The following GLRA2 variants were observed in gnomAD, a reference collection of about 807,000 sequenced individuals.
GLRA2 encodes the protein glycine receptor alpha 2.
Under a neutral mutation model 31.6 loss-of-function variants are expected in GLRA2, and 11 were observed. That is an observed-to-expected ratio of 0.35 (90% confidence interval 0.22 to 0.58). The LOEUF (loss-of-function observed/expected upper bound fraction) is 0.58. Among genes scored for constraint, GLRA2 ranks in the 20% least tolerant of loss-of-function variants. GLRA2 has a pLI of 0.84. For missense variants in GLRA2, 212 were observed against 351.8 expected, an observed-to-expected ratio of 0.60 and a Z score of 3.18; for synonymous variants, 132 against 134.0, an observed-to-expected ratio of 0.99 and a Z score of 0.10.
At chrX:14,636,049 ATAAG>A (rs1343583439) in intron 7 of GLRA2, among the ~76,000 whole-genome samples, 4 of 112,068 alleles carry the variant, frequency 3.6e-5, no homozygotes, top group Non-Finnish European at 7.5e-5. Context: ...AAGCAACAAA[ATAAG>A]TAAAGTAGTA....
At chrX:14,657,567 TGA>T (rs2090952721) in intron 7 of GLRA2, among the ~76,000 whole-genome samples, 1 of 112,473 alleles carries the variant, frequency 8.9e-6, no homozygotes, top group Non-Finnish European at 1.9e-5. Context: ...CCAAACTGTT[TGA>T]GTCTCTGGTT....
intron 8 of GLRA2, among the ~76,000 whole-genome samples, chrX:14,729,668 G>GTA (rs1465223803): frequency 6.3e-5 from 7 of 111,175 alleles, no homozygotes; most frequent in Non-Finnish European, 7.5e-5. Flanking sequence ...GGGGGAACAG[G>GTA]TATATATATA....
intron 4 of GLRA2, among the ~76,000 whole-genome samples, chrX:14,601,176 C>T (rs1200594070): frequency 9.0e-6 from 1 of 111,241 alleles, no homozygotes; most frequent in Non-Finnish European, 1.9e-5. Context: ...AAATGAACTC[C>T]ATAATTGACA....
At chrX:14,547,201 T>C (rs2089493965) in intron 2 of GLRA2, among the ~76,000 whole-genome samples, 2 of 111,463 alleles carry the variant, frequency 1.8e-5, no homozygotes, top group South Asian at 7.6e-4. Context: ...ACTCCTGTAC[T>C]TTTTTTAGAA....
chrX:14,603,822 A>G (rs2090303228), intron 4 of GLRA2, among the ~76,000 whole-genome samples: 2 of 112,064 alleles, frequency 1.8e-5, no homozygotes. Context: ...AAATGAGAAG[A>G]CTGTGGAGTT....
At chrX:14,630,243 CT>C (rs1331512550) in intron 7 of GLRA2, among the ~76,000 whole-genome samples, 3 of 111,548 alleles carry the variant, frequency 2.7e-5, no homozygotes, top group Admixed American at 9.5e-5. Context: ...TTTTTTCCCC[CT>C]AATAAGTAGC....
At chrX:14,665,967 G>A (rs868610706) in intron 7 of GLRA2, among the ~76,000 whole-genome samples, 11 of 111,838 alleles carry the variant, frequency 9.8e-5, no homozygotes, top group South Asian at 3.8e-4. Flanking sequence ...CAAGCTCTCT[G>A]ACCTCAGTAT....
intron 8 of GLRA2, among the ~76,000 whole-genome samples, chrX:14,726,359 T>C (rs771934056): frequency 7.1e-5 from 8 of 112,317 alleles, no homozygotes; most frequent in Middle Eastern, 4.6e-3. Flanking sequence ...TTAAAAGGCA[T>C]TGAATGCATC....
chrX:14,521,979 T>A, the GLRA2 span, among the ~76,000 whole-genome samples: 1 of 112,081 alleles, frequency 8.9e-6, no homozygotes, highest in South Asian at 3.8e-4. Context: ...AAGGTTGGGT[T>A]GGCTGTGACA....
intron 7 of GLRA2, among the ~76,000 whole-genome samples, chrX:14,651,444 C>T (rs1212442271): frequency 2.7e-5 from 3 of 111,003 alleles, no homozygotes; most frequent in East Asian, 2.8e-4. Flanking sequence ...TTTTGGTCAA[C>T]GATGAACCAC....
At chrX:14,449,980 A>C in the GLRA2 span, among the ~76,000 whole-genome samples, 1 of 111,875 alleles carries the variant, frequency 8.9e-6, no homozygotes, top group South Asian at 3.7e-4. Flanking sequence ...ATCCAGCCAC[A>C]GATACTGCCT....
chrX:14,674,351 T>C (rs917308170), intron 7 of GLRA2, among the ~76,000 whole-genome samples: 3 of 112,473 alleles, frequency 2.7e-5, no homozygotes, highest in African/African-American at 9.7e-5. Flanking sequence ...AAAGTCTTAG[T>C]CCATGCACAA....
At chrX:14,480,949 C>T in the GLRA2 span, among the ~76,000 whole-genome samples, 2 of 104,153 alleles carry the variant, frequency 1.9e-5, no homozygotes, top group Non-Finnish European at 4.0e-5. Context: ...TGTCTTCAAT[C>T]TGTAGATTGC....
At chrX:14,548,203 T>C (rs1011908189) in intron 2 of GLRA2, among the ~76,000 whole-genome samples, 1 of 111,497 alleles carries the variant, frequency 9.0e-6, no homozygotes, top group Non-Finnish European at 1.9e-5. Context: ...TGCTGCCAAA[T>C]AGGACTTGGA....
chrX:14,612,376 G>A (rs1351748104), intron 7 of GLRA2, among the ~76,000 whole-genome samples: 3 of 111,785 alleles, frequency 2.7e-5, no homozygotes, highest in Non-Finnish European at 5.6e-5. Context: ...ACTGTTGGTG[G>A]GAGAGTAAAT....
At chrX:14,631,859 CTT>C (rs1354230526) in intron 7 of GLRA2, among the ~76,000 whole-genome samples, 1 of 4,745 alleles carries the variant, frequency 2.1e-4, no homozygotes, top group East Asian at 8.3e-3. Context: ...TATATATTGT[CTT>C]GTGTGTGTAG....
chrX:14,718,917 G>A (rs772026200), intron 8 of GLRA2, among the ~76,000 whole-genome samples: 1 of 111,884 alleles, frequency 8.9e-6, no homozygotes. Flanking sequence ...CAGATTCAAA[G>A]GGAGGGGACA....
the GLRA2 span, among the ~76,000 whole-genome samples, chrX:14,487,137 A>G: frequency 9.1e-6 from 1 of 110,406 alleles, no homozygotes; most frequent in South Asian, 3.8e-4. Flanking sequence ...AATGATGAAC[A>G]GTTCTAGAAC....
At chrX:14,583,576 A>C (rs761728655) in intron 4 of GLRA2, among the ~76,000 whole-genome samples, 28 of 111,418 alleles carry the variant, frequency 2.5e-4, no homozygotes, top group Non-Finnish European at 4.9e-4. Context: ...GTCTCTACTA[A>C]AAAATATAAA....
Sources: allele counts gnomAD v4.1 joint callset (sites outside exome capture counted in the v4.1 genomes callset), GRCh38; gene constraint gnomAD v4.1.1; transcripts MANE v1.5; gene names NCBI Gene and HGNC (gene_info 2026-07-23, HGNC 2026-07-21).